PPP2R3A: variants seen among roughly 807,000 people sequenced by gnomAD.
PPP2R3A encodes the protein protein phosphatase 2 regulatory subunit B''alpha, also known as serine/threonine-protein phosphatase 2A regulatory subunit B'' subunit alpha.
In PPP2R3A, 80 loss-of-function variants were observed where a neutral mutation model predicts 106.9. The ratio of observed to expected loss-of-function variants is 0.75; its 90% confidence interval spans 0.62 to 0.90. PPP2R3A has a LOEUF of 0.90. PPP2R3A is among the 40% of genes least tolerant of loss of function. The pLI is 0.00. For missense variants in PPP2R3A, 1,386 were observed against 1,350.4 expected (o/e 1.03, Z -0.41); for synonymous variants, 483 against 468.3 (o/e 1.03, Z -0.41).
At chr3:136,113,886 G>T (rs896004058) in intron 13 of PPP2R3A, among the ~76,000 whole-genome samples, 4 of 151,990 alleles carry the variant, frequency 2.6e-5, no homozygotes, top group Non-Finnish European at 5.9e-5. Flanking sequence ...CCTTGGCAAA[G>T]ATTTCATGAT....
chr3:136,137,534 A>ATTTTT lies in PPP2R3A; in HGVS notation c.3330-7488_3330-7484dup, dbSNP rs59086929. Among the ~76,000 whole-genome samples the ATTTTT allele has an allele frequency of 9.6e-3, 387 of 40,522 alleles. 111 individuals carry two copies. The highest frequency in any genetic ancestry group is 0.027 in the African/African-American group (331 of 12,326). 26.6% of individuals were successfully genotyped at this position (40,522 alleles called of 152,430 possible). ...AAATATATGAATTACTCTGTCAGAG[A>ATTTTT]TTTTTTTTTTTTTTTTTTTTTTTTT... On this transcript the variant is annotated intron_variant, in intron 13 of 13. Coordinates refer to ENST00000264977, the MANE Select transcript of PPP2R3A (RefSeq NM_002718.5).
At chr3:136,120,848 T>G (rs898804080) in intron 13 of PPP2R3A, among the ~76,000 whole-genome samples, 2 of 151,940 alleles carry the variant, frequency 1.3e-5, no homozygotes, top group Admixed American at 6.6e-5. Context: ...CACTAATCAT[T>G]AGAGAAATGC....
chr3:136,123,843 C>T (rs922296475), intron 13 of PPP2R3A, among the ~76,000 whole-genome samples: 2 of 152,138 alleles, frequency 1.3e-5, no homozygotes, highest in Admixed American at 1.3e-4. Flanking sequence ...ATTGATAGAA[C>T]GATTGCAGAC....
intron 13 of PPP2R3A, among the ~76,000 whole-genome samples, chr3:136,128,661 A>C (rs1477276080): frequency 6.6e-6 from 1 of 152,234 alleles, no homozygotes; most frequent in Non-Finnish European, 1.5e-5. Context: ...GCTCTGCAAC[A>C]AGCGACCTAA....
At chr3:136,030,820 A>G (rs1934857941) in intron 3 of PPP2R3A, among the ~76,000 whole-genome samples, 1 of 143,940 alleles carries the variant, frequency 6.9e-6, no homozygotes, top group African/African-American at 2.8e-5. Context: ...GTATGTATGT[A>G]TGTATACACA....
chr3:136,043,327 C>T (rs1291131535), intron 4 of PPP2R3A, among the ~76,000 whole-genome samples: 4 of 152,064 alleles, frequency 2.6e-5, no homozygotes, highest in Admixed American at 6.5e-5. Context: ...GGCAAGATGG[C>T]GGGCACCTGT....
intron 5 of PPP2R3A, among the ~76,000 whole-genome samples, chr3:136,050,401 A>C (rs1935645006): frequency 6.6e-6 from 1 of 152,120 alleles, no homozygotes; most frequent in South Asian, 2.1e-4. Flanking sequence ...TTAACCTCAG[A>C]CCTTCCTGAG....
At chr3:136,036,595 C>A (rs539334278) in intron 3 of PPP2R3A, among the ~76,000 whole-genome samples, 1 of 152,302 alleles carries the variant, frequency 6.6e-6, no homozygotes, top group East Asian at 1.9e-4. Flanking sequence ...GCTGTGTATA[C>A]CAGCACAGTA....
chr3:136,074,821 G>A (rs1391959708), intron 6 of PPP2R3A, among the ~76,000 whole-genome samples: 1 of 152,134 alleles, frequency 6.6e-6, no homozygotes, highest in Non-Finnish European at 1.5e-5. Context: ...CACACTAAGA[G>A]CTTACCAACT....
intron 1 of PPP2R3A, among the ~76,000 whole-genome samples, chr3:135,996,016 G>T (rs2107780158): frequency 6.6e-6 from 1 of 152,172 alleles, no homozygotes; most frequent in South Asian, 2.1e-4. Flanking sequence ...AAGTTATTCT[G>T]CATGTTTTTT....
At chr3:135,999,277 C>T (rs935977812) in intron 1 of PPP2R3A, among the ~76,000 whole-genome samples, 2 of 152,098 alleles carry the variant, frequency 1.3e-5, no homozygotes, top group East Asian at 1.9e-4. Context: ...TCCATTTTGC[C>T]GTTGAAACAG....
At chr3:136,108,866 A>G (rs1937555514) in intron 13 of PPP2R3A, among the ~76,000 whole-genome samples, 1 of 152,210 alleles carries the variant, frequency 6.6e-6, no homozygotes, top group African/African-American at 2.4e-5. Context: ...GACCAAGCCA[A>G]GATGGTATTC....
chr3:136,144,287 T>C (rs1327167349), intron 13 of PPP2R3A, among the ~76,000 whole-genome samples: 1 of 152,208 alleles, frequency 6.6e-6, no homozygotes, highest in African/African-American at 2.4e-5. Context: ...CTTTAGTCAG[T>C]TCAACCTACA....
intron 1 of PPP2R3A, among the ~76,000 whole-genome samples, chr3:135,969,753 A>G (rs186935339): frequency 4.3e-4 from 66 of 152,298 alleles, no homozygotes; most frequent in Non-Finnish European, 7.4e-4. Context: ...ATTAGTTGCC[A>G]ATATTTTAAA....
At chr3:136,052,583 T>C (rs1935720587) in intron 5 of PPP2R3A, among the ~76,000 whole-genome samples, 1 of 152,220 alleles carries the variant, frequency 6.6e-6, no homozygotes, top group Non-Finnish European at 1.5e-5. Context: ...GTGAATTCTT[T>C]TTCCTGTGGG....
intron 8 of PPP2R3A, among the ~76,000 whole-genome samples, chr3:136,084,600 TC>T (rs947614226): frequency 1.3e-5 from 2 of 152,076 alleles, no homozygotes; most frequent in Non-Finnish European, 2.9e-5. Flanking sequence ...GAATGGTAGA[TC>T]CACCAATAGT....
chr3:136,101,421 T>TG (rs1937356336), intron 10 of PPP2R3A, among the ~76,000 whole-genome samples: 3 of 151,996 alleles, frequency 2.0e-5, no homozygotes, highest in African/African-American at 4.8e-5. Flanking sequence ...GTTGGTTGGT[T>TG]GTTTAGTTGG....
Position 136,033,643 on chromosome 3 carries a change from C to T in PPP2R3A, c.2262+6545C>T, listed in dbSNP as rs187282628. ...TGTATCTTTCCAGGAATTTATTCAT[C>T]TCTTCTAGGTTTTCTAGTTTATGTG... On this transcript the variant is annotated intron_variant, in intron 3 of 13. Coordinates refer to ENST00000264977, the MANE Select transcript of PPP2R3A (RefSeq NM_002718.5). 3.4e-4 allele frequency among the ~76,000 whole-genome samples: 52 copies of T among 152,242 alleles called. No individual in the cohort carries two copies. In the South Asian group the frequency reaches 6.0e-3, roughly 18 times the overall value.
chr3:136,039,671 C>T (rs1427882257), intron 3 of PPP2R3A, among the ~76,000 whole-genome samples: 4 of 152,202 alleles, frequency 2.6e-5, no homozygotes, highest in African/African-American at 9.7e-5. Flanking sequence ...CCCTTCACCT[C>T]CTGCTGTGTG....
Sources: allele counts gnomAD v4.1 joint callset (sites outside exome capture counted in the v4.1 genomes callset), GRCh38; gene constraint gnomAD v4.1.1; transcripts MANE v1.5; gene names NCBI Gene and HGNC (gene_info 2026-07-23, HGNC 2026-07-21).